The following TACC2 variants were observed in gnomAD, a reference collection of about 807,000 sequenced individuals.
TACC2 encodes the protein transforming acidic coiled-coil containing protein 2.
In TACC2, 137 loss-of-function variants were observed where a neutral mutation model predicts 227.3. The observed-to-expected ratio is 0.60, with a 90% CI of 0.52 to 0.69. The LOEUF (loss-of-function observed/expected upper bound fraction) is 0.69, where lower values mean the gene tolerates loss of function less well. TACC2 is among the 30% of genes least tolerant of loss of function. The probability of loss-of-function intolerance (pLI) is 0.00; values close to 1 mark genes in which losing one functional copy is unlikely to be tolerated. For synonymous variants in TACC2, 1,523 were observed against 1,487.5 expected, an observed-to-expected ratio of 1.02 and a Z score of -0.55; for missense variants, 3,470 against 3,694.4, an observed-to-expected ratio of 0.94 and a Z score of 1.57.
intron 8 of TACC2, among the ~76,000 whole-genome samples, chr10:122,199,384 T>G: frequency 6.6e-6 from 1 of 152,222 alleles, no homozygotes; most frequent in East Asian, 1.9e-4. Context: ...TTCCCTTTTC[T>G]TTGGGCCCGC....
At chr10:122,031,435 C>T (rs944909699) in intron 2 of TACC2, among the ~76,000 whole-genome samples, 7 of 129,292 alleles carry the variant, frequency 5.4e-5, no homozygotes, top group East Asian at 2.3e-4. Context: ...GATGGAGTCT[C>T]GCTCTGTCAC....
intron 19 of TACC2, chr10:122,247,998 C>T (rs1019212677): frequency 1.3e-5 from 2 of 152,292 alleles, no homozygotes; most frequent in Admixed American, 6.5e-5. Context: ...CAGGATCAGC[C>T]ACTCGGAACT....
intron 5 of TACC2, among the ~76,000 whole-genome samples, chr10:122,119,005 G>A (rs1010062430): frequency 6.6e-6 from 1 of 152,122 alleles, no homozygotes; most frequent in Non-Finnish European, 1.5e-5. Flanking sequence ...CACATAAGAT[G>A]TACCATCATA....
At chr10:122,128,993 T>C (rs1013709651) in intron 5 of TACC2, among the ~76,000 whole-genome samples, 1 of 151,580 alleles carries the variant, frequency 6.6e-6, no homozygotes, top group African/African-American at 2.4e-5. Flanking sequence ...TGCTAAGTTT[T>C]TTCAACCTAT....
At chr10:122,027,774 C>T (rs547409787) in intron 2 of TACC2, among the ~76,000 whole-genome samples, 4 of 149,988 alleles carry the variant, frequency 2.7e-5, no homozygotes, top group African/African-American at 9.8e-5. Flanking sequence ...GACAGAGTCT[C>T]ACTCTGTTGC....
At chr10:122,152,803 G>A (rs757423320) in intron 7 of TACC2, among the ~76,000 whole-genome samples, 3 of 152,118 alleles carry the variant, frequency 2.0e-5, no homozygotes, top group Admixed American at 6.6e-5. Context: ...GACTCAGGGT[G>A]GGAACTGGGA....
At chr10:122,037,760 G>A (rs188496573) in intron 2 of TACC2, among the ~76,000 whole-genome samples, 37 of 152,276 alleles carry the variant, frequency 2.4e-4, no homozygotes, top group Admixed American at 5.2e-4. Flanking sequence ...CAGTCACGGC[G>A]CCTGAGTCTT....
chr10:122,100,861 T>A (rs2137603585), intron 5 of TACC2, among the ~76,000 whole-genome samples: 1 of 152,296 alleles, frequency 6.6e-6, no homozygotes, highest in South Asian at 2.1e-4. Context: ...GCCAGACCCA[T>A]GTGCCCATGT....
intron 7 of TACC2, chr10:122,163,901 C>G (rs1157131792): frequency 1.3e-6 from 2 of 1,557,852 alleles, no homozygotes; most frequent in Non-Finnish European, 8.7e-7. Context: ...TCGCGGCTAG[C>G]TTGCACGCCA....
intron 1 of TACC2, among the ~76,000 whole-genome samples, chr10:122,021,242 C>T (rs59340112): frequency 2.0e-5 from 3 of 148,444 alleles, no homozygotes; most frequent in Non-Finnish European, 3.0e-5. Flanking sequence ...AAAAAAAAGG[C>T]GGGGGGGAAG....
At chr10:122,204,577 T>C (rs531610963) in intron 8 of TACC2, among the ~76,000 whole-genome samples, 102 of 152,322 alleles carry the variant, frequency 6.7e-4, no homozygotes, top group African/African-American at 2.2e-3. Flanking sequence ...GGCCCATGCC[T>C]GTCATCTCAG....
chr10:121,991,370 G>T (rs536453189), intron 1 of TACC2, among the ~76,000 whole-genome samples: 1 of 152,192 alleles, frequency 6.6e-6, no homozygotes, highest in South Asian at 2.1e-4. Flanking sequence ...TTTTCTTTGC[G>T]CTGTCCGCCA....
chr10:122,213,303 T>C (rs745830006), intron 9 of TACC2: 1 of 1,603,496 alleles, frequency 6.2e-7, no homozygotes, highest in Non-Finnish European at 8.5e-7. Context: ...TGTCAGTTCC[T>C]TCTGTCTGTC....
At chr10:122,148,121 T>TTA (rs1003918978) in intron 7 of TACC2, among the ~76,000 whole-genome samples, 2 of 149,950 alleles carry the variant, frequency 1.3e-5, no homozygotes, top group African/African-American at 5.0e-5. Context: ...TTTTTTTTTT[T>TTA]AGGCAGAGTT....
Position 122,243,924 on chromosome 10 carries a change from G to A in TACC2, c.8392+1923G>A, listed in dbSNP as rs534826509. ...AGCCATCTTTTATTGCTCAGCTGGC[G>A]AAGTTGATATAAACAGACATTCCCT... On this transcript the variant is annotated intron_variant, in intron 19 of 22. Transcript: ENST00000369005. Among the ~76,000 whole-genome samples the A allele has an allele frequency of 1.9e-4, 29 of 152,310 alleles. 1 individual carries two copies. In the South Asian group the frequency reaches 5.2e-3, roughly 27 times the overall value.
Position 122,238,040 on chromosome 10 carries a change from C to A in TACC2, c.8348+3C>A. ...AGGCGGGAAGTGATGGAAATGAGGT[C>A]AGTTGGGGAGCTGGGCCTTCCTCGT... On this transcript the variant is annotated splice_donor_region_variant and intron_variant, in intron 18 of 22. Coordinates refer to ENST00000369005, the MANE Select transcript of TACC2 (RefSeq NM_206862.4). 1 of 1,613,612 alleles carries A rather than the reference C, an allele frequency of 6.2e-7. No individual in the cohort carries two copies. The highest frequency in any genetic ancestry group is 8.5e-7 in the Non-Finnish European group (1 of 1,179,616).
chr10:122,183,377 T>C (rs2140314854), intron 7 of TACC2, among the ~76,000 whole-genome samples: 1 of 152,238 alleles, frequency 6.6e-6, no homozygotes, highest in Middle Eastern at 3.4e-3. Context: ...GGTGTTGCCC[T>C]TTGCCCAGGA....
intron 2 of TACC2, among the ~76,000 whole-genome samples, chr10:122,027,060 C>G (rs917213878): frequency 6.6e-6 from 1 of 152,156 alleles, no homozygotes; most frequent in African/African-American, 2.4e-5. Context: ...GTGGCTGTAC[C>G]ATTTTGCGTC....
intron 7 of TACC2, among the ~76,000 whole-genome samples, chr10:122,179,592 T>A (rs1261981131): frequency 6.6e-6 from 1 of 152,118 alleles, no homozygotes; most frequent in Non-Finnish European, 1.5e-5. Flanking sequence ...CTCCATACCC[T>A]TCTTCCACTC....
Sources: allele counts gnomAD v4.1 joint callset (sites outside exome capture counted in the v4.1 genomes callset), GRCh38; gene constraint gnomAD v4.1.1; transcripts MANE v1.5; gene names NCBI Gene and HGNC (gene_info 2026-07-23, HGNC 2026-07-21).